The following MOK variants were observed in gnomAD, a reference collection of about 807,000 sequenced individuals.
MOK encodes the protein MOK protein kinase, also known as MAPK/MAK/MRK overlapping kinase.
Under a neutral mutation model 54.2 loss-of-function variants are expected in MOK, and 59 were observed. The observed-to-expected ratio is 1.09, with a 90% CI of 0.88 to 1.35. The LOEUF (loss-of-function observed/expected upper bound fraction) is 1.35, where lower values mean the gene tolerates loss of function less well. Ranked by LOEUF, MOK falls within the 40% of genes most tolerant of loss-of-function variation. The probability of loss-of-function intolerance (pLI) is 0.00; values close to 1 mark genes in which losing one functional copy is unlikely to be tolerated. For synonymous variants in MOK, 210 were observed against 202.7 expected (o/e 1.04, Z -0.31); for missense variants, 517 against 526.2 (o/e 0.98, Z 0.17).
At chr14:102,286,153 G>T (rs922572603) in intron 1 of MOK, among the ~76,000 whole-genome samples, 1 of 151,548 alleles carries the variant, frequency 6.6e-6, no homozygotes, top group African/African-American at 2.4e-5. Context: ...CAAAAAATTA[G>T]CCGGGCGTGG....
At chr14:102,291,124 C>T (rs1032002839) in intron 1 of MOK, among the ~76,000 whole-genome samples, 4 of 152,162 alleles carry the variant, frequency 2.6e-5, no homozygotes, top group Admixed American at 1.3e-4. Flanking sequence ...GAGTGAGCCC[C>T]GCTGAGGCTT....
intron 1 of MOK, among the ~76,000 whole-genome samples, chr14:102,290,440 C>CA (rs1212954604): frequency 7.4e-4 from 102 of 136,930 alleles, no homozygotes; most frequent in African/African-American, 1.5e-3. Flanking sequence ...AACTCAGTCT[C>CA]AAAAAAAAAA....
Position 102,293,704 on chromosome 14 carries a change from A to C in MOK, c.8-10112T>G, listed in dbSNP as rs1159750278. On this transcript the variant is annotated intron_variant, in intron 1 of 11. Transcript: ENST00000361847. The stretch of plus-strand genomic sequence containing the variant: ...CAACAAGAGCGAAACTCCATCACAA[A>C]AAAAAAAAAAAAAAAAAAAAAAGAA... Among the ~76,000 whole-genome samples, 493 of 79,704 alleles carry C rather than the reference A, an allele frequency of 6.2e-3. 4 individuals carry two copies. Among genetic ancestry groups the C allele is most frequent in the African/African-American group, 0.037 (369 of 9,982 alleles). The allele number at this position is 79,704 out of a possible 152,430, so 52.3% of individuals were successfully genotyped here. A position where few individuals can be genotyped will look rare whatever the true frequency, so the allele number is the denominator to read the frequency against.
At chr14:102,281,093 G>T (rs2069371455) in intron 2 of MOK, among the ~76,000 whole-genome samples, 1 of 152,152 alleles carries the variant, frequency 6.6e-6, no homozygotes, top group Non-Finnish European at 1.5e-5. Flanking sequence ...GGAGGCCAAG[G>T]TGGGCAGATC....
At position 102,235,376 on chromosome 14, in the gene MOK, T is replaced by G. The variant is rs2065129153; in HGVS notation, c.591-1587A>C. The G allele has an allele frequency of 6.6e-6, 1 of 152,252 alleles. No homozygotes were observed. The highest frequency in any genetic ancestry group is 1.5e-5 in the Non-Finnish European group (1 of 68,052). The allele number at this position is 152,252 out of a possible 1,614,324, so 9.4% of individuals were successfully genotyped here. On this transcript the variant is annotated intron_variant, in intron 7 of 11. Transcript: ENST00000361847. This position sits in a 1 kb window ranked among gnomAD's most constrained non-coding sequence, Gnocchi z 4.4. ...TCTTATGAACTTACTTGGCATGATC[T>G]CTATATTATTTTGTCTTCTACCCTC... is the stretch of plus-strand genomic sequence containing the variant.
At chr14:102,227,561 T>A (rs1258476598), downstream of MOK, among the ~76,000 whole-genome samples, 2 of 152,154 alleles carry the variant, frequency 1.3e-5, no homozygotes, top group African/African-American at 2.4e-5. Context: ...CACTGCACCC[T>A]GCTCTGGAAC....
At chr14:102,294,247 C>A (rs1471936439) in intron 1 of MOK, among the ~76,000 whole-genome samples, 1 of 152,034 alleles carries the variant, frequency 6.6e-6, no homozygotes, top group African/African-American at 2.4e-5. Context: ...GAGATCAACA[C>A]CATCCTGGCT....
the MOK span, among the ~76,000 whole-genome samples, chr14:102,218,573 G>A: frequency 6.6e-6 from 1 of 152,182 alleles, no homozygotes; most frequent in Non-Finnish European, 1.5e-5. Flanking sequence ...ATATATTCTG[G>A]TGCAACAAGG....
At chr14:102,262,201 A>C (rs993465107) in intron 4 of MOK, among the ~76,000 whole-genome samples, 11 of 152,078 alleles carry the variant, frequency 7.2e-5, no homozygotes, top group African/African-American at 2.7e-4. Context: ...GCTGGAGTGC[A>C]GTGGAACAAT....
chr14:102,247,707 C>T (rs1021853870), intron 7 of MOK, among the ~76,000 whole-genome samples: 1 of 152,164 alleles, frequency 6.6e-6, no homozygotes, highest in African/African-American at 2.4e-5. Flanking sequence ...TAGACCGACT[C>T]ACAGCCAAAA....
chr14:102,226,204 G>A (rs1400894047), downstream of MOK: 17 of 619,706 alleles, frequency 2.7e-5, no homozygotes, highest in Non-Finnish European at 4.6e-5. The surrounding 1 kb of genome is among the most constrained non-coding windows in gnomAD (Gnocchi z 4.8). Flanking sequence ...CGCCAGTGTG[G>A]GGTGTGACTG....
At chr14:102,282,693 C>T (rs1035959540) in intron 2 of MOK, among the ~76,000 whole-genome samples, 13 of 151,994 alleles carry the variant, frequency 8.6e-5, no homozygotes, top group Non-Finnish European at 1.6e-4. Context: ...AAGATCGAGC[C>T]ATTGCACTCC....
At chr14:102,239,630 G>A (rs993940492) in intron 7 of MOK, among the ~76,000 whole-genome samples, 3 of 152,170 alleles carry the variant, frequency 2.0e-5, no homozygotes, top group African/African-American at 7.2e-5. Context: ...CAGTACAGTG[G>A]GAGGCCAAGC....
At chr14:102,226,312 G>A (rs780036647), downstream of MOK, 53 of 702,910 alleles carry the variant, frequency 7.5e-5, no homozygotes, top group Middle Eastern at 2.3e-4. The surrounding 1 kb of genome is among the most constrained non-coding windows in gnomAD (Gnocchi z 4.8). Context: ...CACTGCGGCC[G>A]GGCAGCATGC....
At chr14:102,259,248 T>C (rs1567183447) in intron 4 of MOK, among the ~76,000 whole-genome samples, 1 of 152,214 alleles carries the variant, frequency 6.6e-6, no homozygotes. Context: ...TCTTTAATAG[T>C]GCTCCTCAAT....
At chr14:102,226,111 A>G (rs998492476), downstream of MOK, 1 of 574,062 alleles carries the variant, frequency 1.7e-6, no homozygotes, top group African/African-American at 1.9e-5. This position sits in a 1 kb window ranked among gnomAD's most constrained non-coding sequence, Gnocchi z 4.8. Flanking sequence ...CGCCTGTCAC[A>G]CGAAGACGTG....
At chr14:102,297,508 G>A (rs1025000803) in intron 1 of MOK, among the ~76,000 whole-genome samples, 5 of 152,274 alleles carry the variant, frequency 3.3e-5, no homozygotes, top group African/African-American at 9.6e-5. Context: ...GGCAGCCCTT[G>A]AAGCCCTCGC....
Position 102,232,534 on chromosome 14 carries a change from CCT to C in MOK, c.865_866del (p.Arg289GlufsTer27). 2.5e-6 allele frequency: 4 copies of C among 1,612,568 alleles called. No homozygotes were observed. The highest frequency in any genetic ancestry group is 3.4e-6 in the Non-Finnish European group (4 of 1,178,990). On this transcript the variant is annotated frameshift_variant and splice_region_variant, in exon 9 of 12. Transcript: ENST00000361847. LOFTEE classifies it high-confidence loss of function. The surrounding 1 kb of genome is among the most constrained non-coding windows in gnomAD (Gnocchi z 5.1). ...ALQHPYFQEQ[R>X]KTEKRALGSH... ...CCCACCGAACCCACGAGAGTGCCTA[CCT>C]CTGTTCTTGGAAGTAGGGGTGCTGC...
intron 1 of MOK, among the ~76,000 whole-genome samples, chr14:102,303,038 G>A (rs982859644): frequency 5.9e-5 from 9 of 151,842 alleles, no homozygotes; most frequent in African/African-American, 1.9e-4. Context: ...GTGCACACCT[G>A]TAATCTCAGC....
Sources: allele counts gnomAD v4.1 joint callset (sites outside exome capture counted in the v4.1 genomes callset), GRCh38; gene constraint gnomAD v4.1.1; non-coding constraint Gnocchi (gnomAD v3.1); transcripts MANE v1.5; gene names NCBI Gene and HGNC (gene_info 2026-07-23, HGNC 2026-07-21).